Variants in JMJD1C observed in about 807,000 individuals in gnomAD.
The protein encoded by JMJD1C is jumonji domain-containing protein 1C.
Under a neutral mutation model 245.3 loss-of-function variants are expected in JMJD1C, and 31 were observed. That is an observed-to-expected ratio of 0.13 (90% CI 0.09 to 0.17). The LOEUF (loss-of-function observed/expected upper bound fraction) is 0.17. Ranked by LOEUF, JMJD1C falls within the 10% of genes least tolerant of loss-of-function variation. JMJD1C has a pLI of 1.00. For synonymous variants in JMJD1C, 1,057 were observed against 1,017.4 expected (o/e 1.04, Z -0.74); for missense variants, 2,691 against 3,000.2 (o/e 0.90, Z 2.41).
At position 63,184,873 on chromosome 10, in the gene JMJD1C, G is replaced by GT. The variant is rs1369070097; in HGVS notation, c.6831-136dup. 49 of 756,940 alleles carry GT rather than the reference G, an allele frequency of 6.5e-5. No homozygotes were observed. In the Admixed American group the frequency reaches 6.6e-4, roughly 10 times the overall value. The allele number at this position is 756,940 out of a possible 1,614,324, so 46.9% of individuals were successfully genotyped here. ...CAGGTAACAATTTTCCTTGACTCAA[G>GT]TGATACTGACTAAAATAGCAATTCT... On this transcript the variant is annotated intron_variant, in intron 20 of 25. Transcript: ENST00000399262.
chr10:63,476,751 T>G (rs574106681), intron 1 of JMJD1C, among the ~76,000 whole-genome samples: 2 of 151,964 alleles, frequency 1.3e-5, no homozygotes, highest in Non-Finnish European at 2.9e-5. Flanking sequence ...ACAAACAAAA[T>G]TTTAAAATTA....
intron 1 of JMJD1C, among the ~76,000 whole-genome samples, chr10:63,487,612 AG>A (rs1458165720): frequency 6.6e-6 from 1 of 152,212 alleles, no homozygotes; most frequent in Admixed American, 6.5e-5. Flanking sequence ...CAAAGGGACA[AG>A]AAAGTTAAAA....
chr10:63,226,148 G>A (rs1472576070), intron 3 of JMJD1C, among the ~76,000 whole-genome samples: 3 of 152,156 alleles, frequency 2.0e-5, no homozygotes, highest in East Asian at 1.9e-4. Flanking sequence ...AAAGAACAAC[G>A]GGTGGAAGAT....
chr10:63,427,558 C>T, intron 1 of JMJD1C: 1 of 1,404,774 alleles, frequency 7.1e-7, no homozygotes, highest in Non-Finnish European at 1.0e-6. Flanking sequence ...TATTGTGGAC[C>T]CACAGAATCA....
At chr10:63,428,789 T>C (rs543466335) in intron 1 of JMJD1C, among the ~76,000 whole-genome samples, 2 of 152,324 alleles carry the variant, frequency 1.3e-5, no homozygotes, top group African/African-American at 4.8e-5. Context: ...TCCTTGACTT[T>C]TATCTAAGTA....
chr10:63,258,588 A>G (rs935666034), intron 3 of JMJD1C, among the ~76,000 whole-genome samples: 1 of 152,132 alleles, frequency 6.6e-6, no homozygotes, highest in African/African-American at 2.4e-5. Flanking sequence ...CCTCCTGGCA[A>G]ATGTCTGGAT....
chr10:63,177,590 C>A, intron 23 of JMJD1C, 127 bp downstream of exon 23: 1 of 923,010 alleles, frequency 1.1e-6, no homozygotes, highest in Non-Finnish European at 1.7e-6. Context: ...TCAACAAAAA[C>A]TCCCATCTAC....
At chr10:63,280,212 G>T (rs1857235019) in intron 2 of JMJD1C, among the ~76,000 whole-genome samples, 1 of 151,906 alleles carries the variant, frequency 6.6e-6, no homozygotes, top group African/African-American at 2.4e-5. Flanking sequence ...GTTTTGCCTG[G>T]GGAAGAGAAG....
intron 1 of JMJD1C, among the ~76,000 whole-genome samples, chr10:63,472,137 A>G (rs1953509736): frequency 1.3e-5 from 2 of 152,254 alleles, no homozygotes; most frequent in Middle Eastern, 3.4e-3. Context: ...TTGAATTGAC[A>G]CTTTTTAACC....
In JMJD1C at chr10:63,232,769, T is replaced by A. The variant is rs565472283; in HGVS notation, c.448-12786A>T. ...TTTAAAGTCTCAAGATTTTAACATT[T>A]TATGTACAAAGTTCTATGATGTTTC... On this transcript the variant is annotated intron_variant, in intron 3 of 25. Transcript: ENST00000399262. 9.2e-5 allele frequency among the ~76,000 whole-genome samples: 14 copies of A among 152,310 alleles called. No individual in the cohort carries two copies. In the South Asian group the frequency reaches 2.9e-3, roughly 32 times the overall value.
chr10:63,454,814 AT>A (rs1952306595), intron 1 of JMJD1C, among the ~76,000 whole-genome samples: 1 of 152,210 alleles, frequency 6.6e-6, no homozygotes, highest in Non-Finnish European at 1.5e-5. Context: ...CATAATGAAT[AT>A]GGCTGACTGT....
At chr10:63,344,971 T>C (rs1349312138) in intron 2 of JMJD1C, among the ~76,000 whole-genome samples, 2 of 152,204 alleles carry the variant, frequency 1.3e-5, no homozygotes, top group Non-Finnish European at 2.9e-5. Context: ...GTTTGGCAGC[T>C]GCTATTTATA....
At chr10:63,283,632 G>A (rs933311210) in intron 2 of JMJD1C, among the ~76,000 whole-genome samples, 1 of 152,134 alleles carries the variant, frequency 6.6e-6, no homozygotes, top group Non-Finnish European at 1.5e-5. Flanking sequence ...CTCCCGAAGG[G>A]CTGGGATTAC....
chr10:63,387,371 T>C (rs1023341091), intron 1 of JMJD1C, among the ~76,000 whole-genome samples: 7 of 152,074 alleles, frequency 4.6e-5, no homozygotes, highest in African/African-American at 1.7e-4. Context: ...ATTGAAAATA[T>C]TGATACTAAA....
intron 2 of JMJD1C, among the ~76,000 whole-genome samples, chr10:63,299,869 A>C (rs1859879071): frequency 6.6e-6 from 1 of 151,366 alleles, no homozygotes; most frequent in Admixed American, 6.6e-5. Flanking sequence ...CAAGGAACCC[A>C]GTCTTCTTGA....
At chr10:63,284,026 T>C (rs1037931525) in intron 2 of JMJD1C, among the ~76,000 whole-genome samples, 2 of 151,946 alleles carry the variant, frequency 1.3e-5, no homozygotes, top group Non-Finnish European at 2.9e-5. Flanking sequence ...TTCTTTTTTT[T>C]TTTGTTTTTT....
At chr10:63,407,259 C>G (rs1264505462) in intron 1 of JMJD1C, among the ~76,000 whole-genome samples, 2 of 152,112 alleles carry the variant, frequency 1.3e-5, no homozygotes, top group African/African-American at 4.8e-5. Context: ...GAAAGGGTCC[C>G]TGGACCAAGA....
At chr10:63,509,944 T>C (rs896184219) in intron 1 of JMJD1C, among the ~76,000 whole-genome samples, 2 of 152,126 alleles carry the variant, frequency 1.3e-5, no homozygotes, top group African/African-American at 4.8e-5. Flanking sequence ...TTCTACTTAC[T>C]TTGGATTTGA....
At chr10:63,467,427 G>A (rs1953338940), upstream of JMJD1C, among the ~76,000 whole-genome samples, 1 of 152,166 alleles carries the variant, frequency 6.6e-6, no homozygotes, top group Non-Finnish European at 1.5e-5. Flanking sequence ...AGAATCACTT[G>A]AACCTGGGAG....
Sources: gnomAD v4.1 joint callset for allele counts (sites outside exome capture counted in the v4.1 genomes callset) on GRCh38, gnomAD v4.1.1 for gene constraint, MANE v1.5 for transcripts, NCBI Gene and HGNC (gene_info 2026-07-23, HGNC 2026-07-21) for gene names.